Variants in STAU1 observed in about 807,000 individuals in gnomAD.
The protein encoded by STAU1 is staufen double-stranded RNA binding protein 1.
Under a neutral mutation model 62.9 loss-of-function variants are expected in STAU1, and 13 were observed. The observed-to-expected ratio is 0.21, with a 90% CI of 0.13 to 0.33. The LOEUF (loss-of-function observed/expected upper bound fraction) is 0.33. STAU1 is among the 10% of genes least tolerant of loss of function. The probability of loss-of-function intolerance (pLI) is 1.00; values close to 1 mark genes in which losing one functional copy is unlikely to be tolerated. For synonymous variants in STAU1, 269 were observed against 265.1 expected, an observed-to-expected ratio of 1.01 and a Z score of -0.14; for missense variants, 571 against 712.1, an observed-to-expected ratio of 0.80 and a Z score of 2.25.
chr20:49,186,092 G>T (rs551899841), intron 1 of STAU1, among the ~76,000 whole-genome samples: 1 of 152,042 alleles, frequency 6.6e-6, no homozygotes, highest in Non-Finnish European at 1.5e-5. Context: ...GAGCCACCGC[G>T]CCTAACCTGC....
At chr20:49,134,122 G>A (rs1425757315) in intron 6 of STAU1, among the ~76,000 whole-genome samples, 1 of 152,068 alleles carries the variant, frequency 6.6e-6, no homozygotes, top group Non-Finnish European at 1.5e-5. Context: ...TTATTTCTAA[G>A]GTAAACATTA....
intron 8 of STAU1, among the ~76,000 whole-genome samples, chr20:49,122,403 A>C (rs978186291): frequency 9.9e-5 from 15 of 152,174 alleles, no homozygotes; most frequent in Non-Finnish European, 1.6e-4. Flanking sequence ...AATGAAGAAA[A>C]ACTTCTCCCA....
At chr20:49,183,541 G>T (rs1389823964) in intron 1 of STAU1, among the ~76,000 whole-genome samples, 2 of 152,136 alleles carry the variant, frequency 1.3e-5, no homozygotes, top group East Asian at 1.9e-4. Flanking sequence ...TCTTTATACT[G>T]AATTACACTC....
At chr20:49,149,291 C>CACACACACACACA (rs1555851175) in intron 5 of STAU1, among the ~76,000 whole-genome samples, 3 of 147,302 alleles carry the variant, frequency 2.0e-5, no homozygotes, top group Non-Finnish European at 3.0e-5. Flanking sequence ...CACACACACA[C>CACACACACACACA]CAGCAAGAAC....
At chr20:49,137,916 G>C (rs567208460) in intron 5 of STAU1, among the ~76,000 whole-genome samples, 1 of 150,120 alleles carries the variant, frequency 6.7e-6, no homozygotes, top group East Asian at 2.0e-4. Context: ...CTGACTTCAG[G>C]TGATCCGCCC....
At position 49,117,003 on chromosome 20, in the gene STAU1, A is replaced by G; in HGVS notation, c.1632+123T>C. The G allele has an allele frequency of 7.9e-7, 1 of 1,269,688 alleles. No homozygotes were observed. Among genetic ancestry groups the G allele is most frequent in the South Asian group, 1.5e-5 (1 of 68,860 alleles). The allele number at this position is 1,269,688 out of a possible 1,614,324, so 78.7% of individuals were successfully genotyped here. A position where few individuals can be genotyped will look rare whatever the true frequency, so the allele number is the denominator to read the frequency against. On this transcript the variant is annotated intron_variant, in intron 12 of 13. Transcript: ENST00000371856. The surrounding 1 kb of genome is among the most constrained non-coding windows in gnomAD (Gnocchi z 4.6). ...AAATATGAACACTATCAAACGATTC[A>G]TTGCTCTCAAGGTCTATGGGACAAT... is the stretch of plus-strand genomic sequence containing the variant.
intron 12 of STAU1, 26 bp from the exon 13 acceptor site, chr20:49,115,893 A>G: frequency 3.1e-6 from 5 of 1,602,682 alleles, no homozygotes; most frequent in Non-Finnish European, 4.3e-6. Context: ...AGAAGGGTAA[A>G]GCCACAGCCA....
chr20:49,211,195 C>T, the STAU1 span, among the ~76,000 whole-genome samples: 1 of 152,082 alleles, frequency 6.6e-6, no homozygotes, highest in Admixed American at 6.6e-5. Flanking sequence ...TATGGATATA[C>T]CACAAATTGT....
intron 2 of STAU1, among the ~76,000 whole-genome samples, chr20:49,173,924 A>T (rs2093628084): frequency 6.6e-6 from 1 of 152,248 alleles, no homozygotes; most frequent in African/African-American, 2.4e-5. Flanking sequence ...CAAGAAGCTT[A>T]TTGAGCCAGT....
chr20:49,158,390 T>C (rs2093397085), intron 3 of STAU1: 1 of 1,224,464 alleles, frequency 8.2e-7, no homozygotes, highest in African/African-American at 1.6e-5. Flanking sequence ...GATTTCAGTA[T>C]GTCTAGGTCA....
rs369174174 is a variant in STAU1 at position 49,135,846 on chromosome 20, G to T, written c.596C>A (p.Pro199His). The T allele has an allele frequency of 4.3e-6, 7 of 1,613,358 alleles. No homozygotes were observed. The highest frequency in any genetic ancestry group is 5.9e-6 in the Non-Finnish European group (7 of 1,179,738). Residue 199 changes from proline to histidine, a missense_variant, in exon 6 of 14, where the codon CCT (proline) becomes CAT (histidine). Around this residue, in one of 3 missense-constraint regions of STAU1, gnomAD observed 414 missense variants for 499.6 expected, o/e 0.83. Transcript: ENST00000371856. ...VFEIALKRNL[P>H]VNFEVARESG... ...AAATTAGCTTACCTCGAAATTCACA[G>T]GCAAGTTCCGTTTAAGTGCAATCTC... is the stretch of plus-strand genomic sequence containing the variant.
the STAU1 span, among the ~76,000 whole-genome samples, chr20:49,213,188 AT>A: frequency 6.7e-6 from 1 of 149,544 alleles, no homozygotes; most frequent in East Asian, 2.0e-4. Context: ...GTAATTTTGT[AT>A]TTTTTGCAGC....
At chr20:49,160,460 C>T (rs1002720332) in intron 3 of STAU1, among the ~76,000 whole-genome samples, 9 of 152,174 alleles carry the variant, frequency 5.9e-5, no homozygotes, top group Admixed American at 2.6e-4. Flanking sequence ...TATCATCTTA[C>T]GCTACAGCTG....
intron 3 of STAU1, among the ~76,000 whole-genome samples, chr20:49,161,531 T>C (rs1011150494): frequency 6.6e-6 from 1 of 152,158 alleles, no homozygotes; most frequent in African/African-American, 2.4e-5. Flanking sequence ...AGGTGGGTTA[T>C]AAATGCACAA....
At chr20:49,178,927 AAC>A (rs1491556605) in intron 1 of STAU1, among the ~76,000 whole-genome samples, 4 of 149,194 alleles carry the variant, frequency 2.7e-5, no homozygotes, top group African/African-American at 9.8e-5. Context: ...AAAAAAAAAA[AAC>A]AACTAGCTGG....
chr20:49,142,403 T>A (rs1036519555), intron 5 of STAU1, among the ~76,000 whole-genome samples: 5 of 152,192 alleles, frequency 3.3e-5, no homozygotes, highest in Non-Finnish European at 5.9e-5. Flanking sequence ...AAAATTTTTT[T>A]AAATAACAAT....
At chr20:49,132,545 G>A (rs1185771678) in intron 6 of STAU1, among the ~76,000 whole-genome samples, 1 of 152,186 alleles carries the variant, frequency 6.6e-6, no homozygotes, top group African/African-American at 2.4e-5. Context: ...GATCACCTGA[G>A]GTCAGGAGTT....
chr20:49,157,021 C>T (rs1395397228), intron 3 of STAU1, among the ~76,000 whole-genome samples: 8 of 151,990 alleles, frequency 5.3e-5, no homozygotes, highest in Admixed American at 4.6e-4. Context: ...GGATTACAGG[C>T]ACCTGCCACC....
intron 4 of STAU1, 61 bp downstream of exon 4, chr20:49,153,872 G>A: frequency 6.8e-7 from 1 of 1,480,382 alleles, no homozygotes; most frequent in Non-Finnish European, 8.9e-7. Context: ...ACTGGTTTAT[G>A]TAAAAGATCA....
Sources: allele counts gnomAD v4.1 joint callset (sites outside exome capture counted in the v4.1 genomes callset), GRCh38; gene constraint gnomAD v4.1.1; regional missense constraint gnomAD v4.1.1; non-coding constraint Gnocchi (gnomAD v3.1); transcripts MANE v1.5; gene names NCBI Gene and HGNC (gene_info 2026-07-23, HGNC 2026-07-21).